UNC13C: variants seen among roughly 807,000 people sequenced by gnomAD.
UNC13C encodes unc-13 homolog C.
UNC13C carries 174 observed loss-of-function variants against 245.4 expected under a neutral mutation model. The ratio of observed to expected loss-of-function variants is 0.71; its 90% CI spans 0.63 to 0.80. UNC13C has a LOEUF of 0.80. UNC13C is among the 30% of genes least tolerant of loss of function. The probability of loss-of-function intolerance (pLI) is 0.00; values close to 1 mark genes in which losing one functional copy is unlikely to be tolerated. For synonymous variants in UNC13C, 992 were observed against 895.1 expected, an observed-to-expected ratio of 1.11 and a Z score of -1.93; for missense variants, 2,829 against 2,602.9, an observed-to-expected ratio of 1.09 and a Z score of -1.89.
intron 2 of UNC13C, among the ~76,000 whole-genome samples, chr15:54,023,406 A>C (rs1345845437): frequency 6.6e-6 from 1 of 152,224 alleles, no homozygotes; most frequent in Non-Finnish European, 1.5e-5. Context: ...GTGTTAGCAA[A>C]TGTAGTTACA....
chr15:54,274,667 CTTTTT>C (rs10646701), intron 10 of UNC13C, among the ~76,000 whole-genome samples: 4 of 91,604 alleles, frequency 4.4e-5, no homozygotes, highest in Admixed American at 1.5e-4. Context: ...ATAAAGTAGA[CTTTTT>C]TTTTTTTTTT....
chr15:54,146,736 T>C (rs1193092903), intron 4 of UNC13C, among the ~76,000 whole-genome samples: 1 of 152,214 alleles, frequency 6.6e-6, no homozygotes, highest in Non-Finnish European at 1.5e-5. Flanking sequence ...CAAAGAGTCA[T>C]ACAGAAAGCA....
intron 4 of UNC13C, among the ~76,000 whole-genome samples, chr15:54,234,620 A>G (rs1225942173): frequency 6.6e-6 from 1 of 152,174 alleles, no homozygotes; most frequent in Admixed American, 6.5e-5. Context: ...GCACACAATA[A>G]CTGGTATTTT....
At chr15:54,012,487 A>G (rs984546184) in intron 1 of UNC13C, among the ~76,000 whole-genome samples, 161 bp from the exon 2 acceptor site, 7 of 152,228 alleles carry the variant, frequency 4.6e-5, no homozygotes, top group African/African-American at 1.7e-4. Context: ...TGCTTTCAGT[A>G]GTTATTTTAA....
chr15:54,397,422 C>A (rs796785259), intron 18 of UNC13C, among the ~76,000 whole-genome samples: 1 of 151,456 alleles, frequency 6.6e-6, no homozygotes, highest in African/African-American at 2.4e-5. Context: ...ATGTCTTGGT[C>A]ACTATCATTT....
the UNC13C span, among the ~76,000 whole-genome samples, chr15:53,906,989 C>G: frequency 2.0e-5 from 3 of 151,102 alleles, no homozygotes; most frequent in African/African-American, 4.9e-5. Flanking sequence ...AACCACCCCC[C>G]TCTCTCGACA....
At chr15:53,938,301 GTTCAA>G in the UNC13C span, among the ~76,000 whole-genome samples, 57 of 152,270 alleles carry the variant, frequency 3.7e-4, 1 homozygote, top group Admixed American at 2.8e-3. Context: ...ATGGTAAAGG[GTTCAA>G]TTCAACAAGA....
rs868638258 is a variant in UNC13C at position 54,442,582 on chromosome 15, T to C, written c.4933+27515T>C. 4.6e-5 allele frequency among the ~76,000 whole-genome samples: 7 copies of C among 152,210 alleles called. 1 individual carries two copies. The South Asian group carries it at 1.2e-3, about 27-fold the overall frequency. ...ACCCAGTATGATGTTAGCTGTGGGT[T>C]TGTCATGTATAGTCCTTATTATGTT... is the stretch of plus-strand genomic sequence containing the variant. On this transcript the variant is annotated intron_variant, in intron 19 of 32. Transcript: ENST00000260323.
At chr15:54,391,906 A>G (rs976607065) in intron 17 of UNC13C, among the ~76,000 whole-genome samples, 3 of 152,116 alleles carry the variant, frequency 2.0e-5, no homozygotes, top group African/African-American at 4.8e-5. Flanking sequence ...GCACTGGAAC[A>G]TATGCATATA....
chr15:54,244,094 A>T (rs534984626), intron 7 of UNC13C, among the ~76,000 whole-genome samples: 77 of 151,964 alleles, frequency 5.1e-4, no homozygotes, highest in South Asian at 1.9e-3. Context: ...TTTCTTCTAG[A>T]GTGTTTATAG....
At chr15:53,966,492 T>A in the UNC13C span, among the ~76,000 whole-genome samples, 1 of 152,180 alleles carries the variant, frequency 6.6e-6, no homozygotes, top group Non-Finnish European at 1.5e-5. Context: ...TCTTTATCCT[T>A]GAAGGTGAGT....
intron 2 of UNC13C, among the ~76,000 whole-genome samples, chr15:54,033,024 T>C (rs1333232179): frequency 6.6e-6 from 1 of 152,014 alleles, no homozygotes; most frequent in Non-Finnish European, 1.5e-5. Context: ...AGACTACAAA[T>C]TGAGTTCAGT....
At chr15:54,130,613 T>C (rs796223569) in intron 2 of UNC13C, among the ~76,000 whole-genome samples, 1 of 151,756 alleles carries the variant, frequency 6.6e-6, no homozygotes, top group East Asian at 1.9e-4. Flanking sequence ...TTTAACAGTA[T>C]TTTATGTGAA....
At chr15:53,916,154 G>A in the UNC13C span, among the ~76,000 whole-genome samples, 2 of 152,156 alleles carry the variant, frequency 1.3e-5, no homozygotes, top group Non-Finnish European at 2.9e-5. Flanking sequence ...AATGGTAATA[G>A]AAGAGCTTGG....
chr15:54,162,103 T>C (rs1010102289), intron 4 of UNC13C, among the ~76,000 whole-genome samples: 1 of 152,196 alleles, frequency 6.6e-6, no homozygotes, highest in Non-Finnish European at 1.5e-5. Context: ...TAGAGTCATA[T>C]TGTTGTTACT....
At chr15:54,315,368 T>C (rs1289565501) in intron 13 of UNC13C, among the ~76,000 whole-genome samples, 1 of 151,814 alleles carries the variant, frequency 6.6e-6, no homozygotes, top group East Asian at 2.0e-4. Flanking sequence ...TTTTCTGTCC[T>C]ATTTTATAAG....
intron 4 of UNC13C, among the ~76,000 whole-genome samples, chr15:54,194,577 A>G (rs976087558): frequency 3.3e-5 from 5 of 150,226 alleles, no homozygotes; most frequent in African/African-American, 1.2e-4. Context: ...CATGATATAA[A>G]ACTCTCCATT....
At chr15:54,444,002 C>G (rs1890670424) in intron 19 of UNC13C, among the ~76,000 whole-genome samples, 1 of 151,138 alleles carries the variant, frequency 6.6e-6, no homozygotes, top group African/African-American at 2.4e-5. Flanking sequence ...ACAGTAAGTT[C>G]CCTACCATTA....
At chr15:54,579,402 G>A (rs1232901951) in intron 30 of UNC13C, among the ~76,000 whole-genome samples, 2 of 152,250 alleles carry the variant, frequency 1.3e-5, no homozygotes, top group Non-Finnish European at 2.9e-5. Flanking sequence ...TATTCAAAGT[G>A]GTAGATTTTG....
Sources: allele counts gnomAD v4.1 joint callset (sites outside exome capture counted in the v4.1 genomes callset), GRCh38; gene constraint gnomAD v4.1.1; transcripts MANE v1.5; gene names NCBI Gene and HGNC (gene_info 2026-07-23, HGNC 2026-07-21).